The following PARD3 variants were observed in gnomAD, a reference collection of about 807,000 sequenced individuals.
PARD3 encodes par-3 family cell polarity regulator, also known as partitioning defective 3 homolog.
A neutral mutation model predicts 155.4 loss-of-function variants in PARD3; 75 were observed. The ratio of observed to expected loss-of-function variants is 0.48; its 90% confidence interval spans 0.40 to 0.58. PARD3 has a LOEUF of 0.58. PARD3 is among the 20% of genes least tolerant of loss of function. The pLI, the probability that PARD3 is intolerant of heterozygous loss-of-function variation, is 0.00. For synonymous variants in PARD3, 576 were observed against 610.5 expected (o/e 0.94, Z 0.83); for missense variants, 1,642 against 1,721.7 (o/e 0.95, Z 0.82).
At chr10:34,776,316 A>G (rs960362343) in intron 1 of PARD3, among the ~76,000 whole-genome samples, 2 of 152,210 alleles carry the variant, frequency 1.3e-5, no homozygotes, top group African/African-American at 4.8e-5. Flanking sequence ...TCAGACACCT[A>G]CAAGAGATTA....
intron 22 of PARD3, among the ~76,000 whole-genome samples, chr10:34,144,183 T>C (rs1276911041): frequency 6.6e-6 from 1 of 152,206 alleles, no homozygotes; most frequent in Non-Finnish European, 1.5e-5. Flanking sequence ...CTTGCAACAT[T>C]CTTTTGTCAA....
At chr10:34,793,659 G>A (rs1841928783) in intron 1 of PARD3, among the ~76,000 whole-genome samples, 1 of 152,068 alleles carries the variant, frequency 6.6e-6, no homozygotes, top group Non-Finnish European at 1.5e-5. Flanking sequence ...GGTGGCACAC[G>A]CCTATAATCC....
At chr10:34,398,284 T>TA (rs949760795) in intron 7 of PARD3, among the ~76,000 whole-genome samples, 4 of 152,088 alleles carry the variant, frequency 2.6e-5, no homozygotes, top group African/African-American at 7.2e-5. Flanking sequence ...AATACTCATT[T>TA]AAAAAAATAA....
chr10:34,463,807 TAG>T (rs753210670), intron 4 of PARD3, among the ~76,000 whole-genome samples: 107 of 152,238 alleles, frequency 7.0e-4, no homozygotes, highest in Middle Eastern at 3.2e-3. Context: ...CTTCTATGTT[TAG>T]ATATGTTGGA....
chr10:34,383,880 A>T (rs939580281), intron 8 of PARD3, among the ~76,000 whole-genome samples: 1 of 152,236 alleles, frequency 6.6e-6, no homozygotes, highest in African/African-American at 2.4e-5. Context: ...GAGAGGAACC[A>T]GCAAAATTGT....
intron 22 of PARD3, among the ~76,000 whole-genome samples, chr10:34,144,691 C>CG (rs1948368791): frequency 6.6e-6 from 1 of 152,186 alleles, no homozygotes. Flanking sequence ...AGCATTAGCT[C>CG]TCTTACACTC....
In PARD3 at chr10:34,625,998, G is replaced by A. The variant is rs1478393211; in HGVS notation, c.222+70320C>T. On this transcript the variant is annotated intron_variant, in intron 2 of 24. Transcript: ENST00000374788. The stretch of plus-strand genomic sequence containing the variant: ...TTAAGTCTAACTCAAAAGAGATGCC[G>A]AGACCTTGCCTAATCAATATTCTAT... Among the ~76,000 whole-genome samples, 7 of 152,284 alleles carry A rather than the reference G, an allele frequency of 4.6e-5. No individual in the cohort carries two copies. The South Asian group carries it at 6.2e-4, about 14-fold the overall frequency.
rs771453367 is a variant in PARD3, at chr10:34,368,398, C to T, written c.1707+4100G>A. Among the ~76,000 whole-genome samples the T allele has an allele frequency of 7.2e-5, 11 of 152,230 alleles. No individual in the cohort carries two copies. The South Asian group carries it at 8.3e-4, about 11-fold the overall frequency. ...GCAAAGAAGGTGAGAGCAGGCCGGG[C>T]GCGGTGGCTCACGCGTGTAATTCCA... On this transcript the variant is annotated intron_variant, in intron 12 of 24. Transcript: ENST00000374788.
At chr10:34,715,140 C>A (rs537003598) in intron 1 of PARD3, among the ~76,000 whole-genome samples, 6 of 150,416 alleles carry the variant, frequency 4.0e-5, no homozygotes, top group Non-Finnish European at 8.8e-5. Flanking sequence ...CACAGTGGTG[C>A]TATCATAGCT....
At chr10:34,273,622 C>T (rs548303245) in intron 21 of PARD3, among the ~76,000 whole-genome samples, 2 of 152,186 alleles carry the variant, frequency 1.3e-5, no homozygotes, top group Non-Finnish European at 2.9e-5. Context: ...TGCTGTACTA[C>T]AGTTATCTAA....
At chr10:34,393,195 A>G (rs1316265419) in intron 7 of PARD3, among the ~76,000 whole-genome samples, 1 of 151,484 alleles carries the variant, frequency 6.6e-6, no homozygotes, top group Non-Finnish European at 1.5e-5. Flanking sequence ...TACAATTACT[A>G]TTTTCACAAG....
chr10:34,684,906 C>G (rs2133374836), intron 2 of PARD3, among the ~76,000 whole-genome samples: 1 of 150,818 alleles, frequency 6.6e-6, no homozygotes, highest in South Asian at 2.1e-4. Flanking sequence ...CACACACACA[C>G]ACACAGAGTA....
At chr10:34,606,136 C>T (rs1156233092) in intron 2 of PARD3, among the ~76,000 whole-genome samples, 1 of 140,290 alleles carries the variant, frequency 7.1e-6, no homozygotes, top group Admixed American at 7.5e-5. Context: ...ATCTATATTA[C>T]TATACATATA....
chr10:34,318,855 T>C (rs1958185517), intron 19 of PARD3, among the ~76,000 whole-genome samples: 1 of 152,034 alleles, frequency 6.6e-6, no homozygotes, highest in Non-Finnish European at 1.5e-5. Flanking sequence ...AACCTCCGCC[T>C]CCTGGGTTCA....
At chr10:34,443,295 C>T (rs2132682462) in intron 5 of PARD3, among the ~76,000 whole-genome samples, 1 of 152,304 alleles carries the variant, frequency 6.6e-6, no homozygotes, top group Middle Eastern at 3.4e-3. Context: ...AAGAATTTGG[C>T]TGTAAATTAT....
intron 21 of PARD3, among the ~76,000 whole-genome samples, chr10:34,276,313 C>T (rs897665307): frequency 4.6e-5 from 7 of 151,916 alleles, no homozygotes; most frequent in Admixed American, 1.3e-4. Context: ...GAAAATAATA[C>T]ACAAAATAAT....
intron 2 of PARD3, among the ~76,000 whole-genome samples, chr10:34,560,977 C>T (rs1338895288): frequency 6.6e-6 from 1 of 152,150 alleles, no homozygotes; most frequent in Non-Finnish European, 1.5e-5. Context: ...TCCCTCAAAC[C>T]ACTATTTGGG....
chr10:34,741,952 A>C (rs553580513), intron 1 of PARD3, among the ~76,000 whole-genome samples: 20 of 152,242 alleles, frequency 1.3e-4, no homozygotes, highest in Non-Finnish European at 2.8e-4. Context: ...ATATAACAAT[A>C]AGGTAAATTC....
chr10:34,636,981 G>A (rs144322436), intron 2 of PARD3, among the ~76,000 whole-genome samples: 47 of 152,292 alleles, frequency 3.1e-4, no homozygotes, highest in Middle Eastern at 3.4e-3. Flanking sequence ...TGAGAATAAG[G>A]CATGAACTTA....
Sources: gnomAD v4.1 joint callset for allele counts (sites outside exome capture counted in the v4.1 genomes callset) on GRCh38, gnomAD v4.1.1 for gene constraint, MANE v1.5 for transcripts, NCBI Gene and HGNC (gene_info 2026-07-23, HGNC 2026-07-21) for gene names.